TRIM33: variants seen among roughly 807,000 people sequenced by gnomAD.
TRIM33 encodes the protein tripartite motif containing 33, also known as E3 ubiquitin-protein ligase TRIM33.
Under a neutral mutation model 125.4 loss-of-function variants are expected in TRIM33, and 20 were observed. The observed-to-expected ratio is 0.16, with a 90% confidence interval of 0.11 to 0.23. TRIM33 has a LOEUF of 0.23. Ranked by LOEUF, TRIM33 falls within the 10% of genes least tolerant of loss-of-function variation. The pLI is 1.00. For missense variants in TRIM33, 920 were observed against 1,411.4 expected, an observed-to-expected ratio of 0.65 and a Z score of 5.58; for synonymous variants, 564 against 513.9, an observed-to-expected ratio of 1.10 and a Z score of -1.32.
At position 114,490,104 on chromosome 1, in the gene TRIM33, AG is replaced by A. The variant is rs376448216; in HGVS notation, c.526+20446del. ...CGTCTCAAAAAAAAAAAAAAAAAAA[AG>A]AAAAGGAAAGGAAAGAAAAAAGAAA... On this transcript the variant is annotated intron_variant, in intron 1 of 19. Coordinates refer to ENST00000358465, the MANE Select transcript of TRIM33 (RefSeq NM_015906.4). Among the ~76,000 whole-genome samples the A allele has an allele frequency of 4.7e-3, 649 of 138,192 alleles. 36 individuals are homozygous for A. Among genetic ancestry groups the A allele is most frequent in the African/African-American group, 0.011 (417 of 36,266 alleles). The allele number at this position is 138,192 out of a possible 152,430, so 90.7% of individuals were successfully genotyped here.
rs908925985 is a variant in TRIM33 at position 114,399,491 on chromosome 1, C to T, written c.3086G>A (p.Arg1029His). 1.4e-5 allele frequency: 22 copies of T among 1,613,502 alleles called. No homozygotes were observed. The highest frequency in any genetic ancestry group is 6.6e-5 in the South Asian group (6 of 91,038). The change falls in exon 18 of 20, where the codon CGT becomes CAT. Residue 1029 changes from arginine to histidine, a missense_variant. Around this residue, in one of 8 missense-constraint regions of TRIM33, gnomAD observed 122 missense variants for 236.8 expected, o/e 0.52. Coordinates refer to ENST00000358465, the MANE Select transcript of TRIM33 (RefSeq NM_015906.4). ...CCTTTCACAGTTCTTGAAGATCAAA[C>T]GGACATCGGCCACAAAGTCATCCGG... ...QIPDDFVADV[R>H]LIFKNCERFN...
At chr1:114,510,153 T>C (rs1377287980) in intron 1 of TRIM33, among the ~76,000 whole-genome samples, 1 of 152,054 alleles carries the variant, frequency 6.6e-6, no homozygotes, top group Non-Finnish European at 1.5e-5. Flanking sequence ...TTCACTGCCC[T>C]TACCTCTTAC....
intron 10 of TRIM33, among the ~76,000 whole-genome samples, chr1:114,422,201 G>A (rs777869879): frequency 4.0e-5 from 6 of 151,720 alleles, no homozygotes; most frequent in Admixed American, 6.6e-5. Flanking sequence ...CAATATAGAA[G>A]AAAATCTTAA....
chr1:114,510,392 T>G (rs1653271129), intron 1 of TRIM33, among the ~76,000 whole-genome samples, 159 bp downstream of exon 1: 1 of 152,118 alleles, frequency 6.6e-6, no homozygotes, highest in Admixed American at 6.5e-5. Context: ...GCGGTCCAGC[T>G]TCTCTGGAAA....
chr1:114,417,153 G>C (rs1019296995), intron 11 of TRIM33, among the ~76,000 whole-genome samples: 13 of 152,148 alleles, frequency 8.5e-5, no homozygotes, highest in African/African-American at 3.1e-4. Context: ...TTCACATGTG[G>C]AATGTCCACA....
chr1:114,396,869 T>G lies in TRIM33; in HGVS notation c.*779A>C, dbSNP rs978399607. On this transcript the variant is annotated 3_prime_UTR_variant, in exon 20 of 20. Coordinates refer to ENST00000358465, the MANE Select transcript of TRIM33 (RefSeq NM_015906.4). ...TCTGCCTTTCATGGGAATAACTGTATGATCACATGATTTGATTGGGAAGTA... is the reference window on the plus strand; with the variant it reads ...TCTGCCTTTCATGGGAATAACTGTAGGATCACATGATTTGATTGGGAAGTA... 4 of 210,138 alleles carry G rather than the reference T, an allele frequency of 1.9e-5. No homozygotes were observed. The highest frequency in any genetic ancestry group is 2.9e-5 in the Non-Finnish European group (3 of 103,568). The allele number at this position is 210,138 out of a possible 1,614,324, so 13.0% of individuals were successfully genotyped here. A position where few individuals can be genotyped will look rare whatever the true frequency, so the allele number is the denominator to read the frequency against.
intron 1 of TRIM33, among the ~76,000 whole-genome samples, chr1:114,477,216 G>T (rs1000591879): frequency 2.6e-5 from 4 of 151,988 alleles, no homozygotes; most frequent in Non-Finnish European, 5.9e-5. Context: ...ATAAACAGAT[G>T]TTAAAGTGGC....
In TRIM33 at chr1:114,397,620, T is replaced by TTTTA; in HGVS notation, c.*27_*28insTAAA. 5 of 1,197,246 alleles carry TTTTA rather than the reference T, an allele frequency of 4.2e-6. No homozygotes were observed. The highest frequency in any genetic ancestry group is 2.8e-5 in the South Asian group (2 of 72,058). The allele number at this position is 1,197,246 out of a possible 1,614,324, so 74.2% of individuals were successfully genotyped here. The stretch of plus-strand genomic sequence containing the variant: ...TTTTTTTTTTTCGTTTTTTTTTTTT[T>TTTTA]AAACAATTGATTTAAATCCATGTCA... On this transcript the variant is annotated 3_prime_UTR_variant, in exon 20 of 20. Coordinates refer to ENST00000358465, the MANE Select transcript of TRIM33 (RefSeq NM_015906.4).
chr1:114,463,367 A>G (rs531726897), intron 3 of TRIM33, 45 bp downstream of exon 3: 411 of 1,573,368 alleles, frequency 2.6e-4, no homozygotes, highest in Non-Finnish European at 3.3e-4. Flanking sequence ...CAAAAGAAGG[A>G]GGTTAACTGT....
chr1:114,501,551 C>T (rs1390773567), intron 1 of TRIM33, among the ~76,000 whole-genome samples: 2 of 152,116 alleles, frequency 1.3e-5, no homozygotes, highest in African/African-American at 4.8e-5. Context: ...CTATTATATT[C>T]TCTTGGTCAC....
In TRIM33 at chr1:114,510,956, C is replaced by A. The variant is rs1203319845; in HGVS notation, c.121G>T (p.Val41Leu). The change falls in exon 1 of 20, where the codon GTG (valine) becomes TTG (leucine). Residue 41 changes from valine to leucine, a missense_variant. By Grantham distance (32) the Val-to-Leu change is conservative. Around this residue, in one of 8 missense-constraint regions of TRIM33, gnomAD observed 233 missense variants for 189.6 expected, o/e 1.23. Transcript: ENST00000358465. ...AQEAEPPLTA[V>L]LVEEEEEEGG... ...TCCTCCTCCTCCTCCTCCACCAGCA[C>A]CGCGGTGAGAGGCGGCTCCGCCTCC... 2.2e-6 allele frequency: 3 copies of A among 1,391,864 alleles called. No individual in the cohort carries two copies. 86.2% of individuals were successfully genotyped at this position (1,391,864 alleles called of 1,614,324 possible).
At chr1:114,491,559 T>A (rs1326849738) in intron 1 of TRIM33, among the ~76,000 whole-genome samples, 3 of 152,142 alleles carry the variant, frequency 2.0e-5, no homozygotes, top group African/African-American at 7.2e-5. Context: ...CCCAGCACTT[T>A]GGGAGGCTAA....
intron 1 of TRIM33, among the ~76,000 whole-genome samples, chr1:114,470,941 G>C (rs574055143): frequency 6.6e-6 from 1 of 152,182 alleles, no homozygotes; most frequent in Non-Finnish European, 1.5e-5. Context: ...GGGGACCACA[G>C]GCTCATGCCA....
At chr1:114,402,647 T>C in intron 16 of TRIM33, 113 bp downstream of exon 16, 1 of 1,251,618 alleles carries the variant, frequency 8.0e-7, no homozygotes, top group South Asian at 1.6e-5. Flanking sequence ...GATGACAGGA[T>C]TAAAAATTAA....
chr1:114,468,637 A>G (rs1650452265), intron 1 of TRIM33: 1 of 422,158 alleles, frequency 2.4e-6, no homozygotes, highest in South Asian at 1.9e-5. Flanking sequence ...AAAAATATTC[A>G]AGAACCAGCT....
At chr1:114,450,484 A>C (rs80185464) in intron 4 of TRIM33, among the ~76,000 whole-genome samples, 2,319 of 152,226 alleles carry the variant, frequency 0.015, 48 homozygotes, top group African/African-American at 0.047. Context: ...AGCATGCACC[A>C]CCACACCCGG....
intron 1 of TRIM33, among the ~76,000 whole-genome samples, chr1:114,508,461 C>T (rs746365829): frequency 6.6e-6 from 1 of 152,154 alleles, no homozygotes; most frequent in Non-Finnish European, 1.5e-5. Context: ...GCACAGACCA[C>T]CAGCAGTTAT....
rs1652796984 is a variant in TRIM33 at position 114,414,395 on chromosome 1, C to G, written c.2062-4079G>C. On this transcript the variant is annotated intron_variant, in intron 11 of 19. Transcript: ENST00000358465. ...CTGATCTAGTTTCCATTTTCCTCTACAGAACTAGGCCCTTCTCTCTTTCCT... is the reference window on the plus strand; with the variant it reads ...CTGATCTAGTTTCCATTTTCCTCTAGAGAACTAGGCCCTTCTCTCTTTCCT... 2.0e-5 allele frequency among the ~76,000 whole-genome samples: 3 copies of G among 151,838 alleles called. No homozygotes were observed. The South Asian group carries it at 6.2e-4, about 32-fold the overall frequency.
intron 1 of TRIM33, among the ~76,000 whole-genome samples, chr1:114,479,735 C>A (rs950839747): frequency 1.3e-5 from 2 of 151,136 alleles, no homozygotes. Flanking sequence ...TATATTTTAA[C>A]AAAATGAAGG....
Sources: allele counts gnomAD v4.1 joint callset (sites outside exome capture counted in the v4.1 genomes callset), GRCh38; gene constraint gnomAD v4.1.1; regional missense constraint gnomAD v4.1.1; transcripts MANE v1.5; gene names NCBI Gene and HGNC (gene_info 2026-07-23, HGNC 2026-07-21).